The following MACROD2 variants were observed in gnomAD, a reference collection of about 807,000 sequenced individuals.
MACROD2 encodes the protein mono-ADP ribosylhydrolase 2, also known as ADP-ribose glycohydrolase MACROD2.
Under a neutral mutation model 70.4 loss-of-function variants are expected in MACROD2, and 36 were observed. The observed-to-expected ratio is 0.51, with a 90% confidence interval of 0.39 to 0.68. The LOEUF (loss-of-function observed/expected upper bound fraction) is 0.68. Among genes scored for constraint, MACROD2 ranks in the 30% least tolerant of loss-of-function variants. The probability of loss-of-function intolerance (pLI) is 0.00; values close to 1 mark genes in which losing one functional copy is unlikely to be tolerated. For missense variants in MACROD2, 496 were observed against 538.4 expected (o/e 0.92, Z 0.78); for synonymous variants, 172 against 178.8 (o/e 0.96, Z 0.30).
At chr20:15,772,886 T>C (rs986944762) in intron 8 of MACROD2, among the ~76,000 whole-genome samples, 1 of 152,122 alleles carries the variant, frequency 6.6e-6, no homozygotes. Flanking sequence ...AAAACAGATA[T>C]TTCTTTCCTG....
intron 7 of MACROD2, among the ~76,000 whole-genome samples, chr20:15,438,696 A>G (rs1390560139): frequency 6.6e-6 from 1 of 152,170 alleles, no homozygotes; most frequent in Non-Finnish European, 1.5e-5. Flanking sequence ...ATTGCTGTTT[A>G]TATATTCTGT....
intron 15 of MACROD2, among the ~76,000 whole-genome samples, chr20:16,008,556 C>T (rs1306402153): frequency 6.6e-6 from 1 of 152,206 alleles, no homozygotes; most frequent in African/African-American, 2.4e-5. Context: ...ACAGGTTGTT[C>T]TCTAATGAGC....
At chr20:15,939,204 A>C (rs2065713172) in intron 12 of MACROD2, among the ~76,000 whole-genome samples, 1 of 152,246 alleles carries the variant, frequency 6.6e-6, no homozygotes, top group African/African-American at 2.4e-5. Context: ...ACTAAGCAAC[A>C]GATTTTCAAT....
At chr20:14,468,434 C>G (rs2084483578) in intron 3 of MACROD2, among the ~76,000 whole-genome samples, 1 of 143,808 alleles carries the variant, frequency 7.0e-6, no homozygotes, top group Admixed American at 7.0e-5. Flanking sequence ...GATTGCAACC[C>G]CTGCTTTTTT....
intron 15 of MACROD2, among the ~76,000 whole-genome samples, chr20:16,022,047 C>CTTTTTTTTTTTTTTTTTTTT (rs543662575): frequency 9.2e-6 from 1 of 108,958 alleles, no homozygotes; most frequent in Admixed American, 1.0e-4. Flanking sequence ...GTTTCAGTTT[C>CTTTTTTTTTTTTTTTTTTTT]TTTTTTTTTT....
intron 3 of MACROD2, 97 bp from the exon 4 acceptor site, chr20:14,493,382 C>A: frequency 1.0e-6 from 1 of 977,522 alleles, no homozygotes; most frequent in South Asian, 1.5e-5. Flanking sequence ...GTATATGAGA[C>A]ATATGATCAT....
chr20:15,924,799 G>GA (rs1045242161), intron 10 of MACROD2, among the ~76,000 whole-genome samples: 2 of 151,848 alleles, frequency 1.3e-5, no homozygotes, highest in African/African-American at 2.4e-5. Context: ...AAAAAGCAAA[G>GA]AAAAAAAATG....
chr20:14,830,012 T>C (rs1436322236), intron 5 of MACROD2, among the ~76,000 whole-genome samples: 4 of 152,134 alleles, frequency 2.6e-5, no homozygotes, highest in Non-Finnish European at 4.4e-5. Context: ...CCCCTAAATA[T>C]GAATCTCAAA....
At chr20:14,235,921 AATAG>A (rs1371095411) in intron 3 of MACROD2, among the ~76,000 whole-genome samples, 1 of 216 alleles carries the variant, frequency 4.6e-3, no homozygotes, top group Non-Finnish European at 0.022. Flanking sequence ...AAACATACTT[AATAG>A]TATTACTGTT....
intron 8 of MACROD2, among the ~76,000 whole-genome samples, chr20:15,586,448 C>T (rs1189587623): frequency 6.6e-6 from 1 of 152,148 alleles, no homozygotes; most frequent in East Asian, 1.9e-4. Context: ...AAAATTTTAT[C>T]TATTGGTTTT....
rs184321940 is a variant in MACROD2 at position 14,443,264 on chromosome 20, A to G, written c.272-50215A>G. On this transcript the variant is annotated intron_variant, in intron 3 of 17. Coordinates refer to ENST00000684519, the MANE Select transcript of MACROD2 (RefSeq NM_001351661.2). The stretch of plus-strand genomic sequence containing the variant: ...GGTGGGAAAAGACCTACCCTTTGAG[A>G]TTAAATTAAGAGGGTATAGGGTGTA... 5.6e-4 allele frequency among the ~76,000 whole-genome samples: 85 copies of G among 150,974 alleles called. 1 individual carries two copies. In the Middle Eastern group the frequency reaches 0.01, roughly 18 times the overall value.
At chr20:14,790,583 G>C (rs554324606) in intron 5 of MACROD2, among the ~76,000 whole-genome samples, 57 of 152,196 alleles carry the variant, frequency 3.7e-4, no homozygotes, top group African/African-American at 1.4e-3. Context: ...GATTAATTAA[G>C]GGGCTGTGAA....
intron 4 of MACROD2, among the ~76,000 whole-genome samples, chr20:14,625,562 G>A (rs1984097551): frequency 6.6e-6 from 1 of 152,134 alleles, no homozygotes; most frequent in Non-Finnish European, 1.5e-5. Flanking sequence ...TAGACATGGT[G>A]AAAAAGACAG....
chr20:15,307,157 C>G (rs936160233), intron 6 of MACROD2, among the ~76,000 whole-genome samples: 1 of 152,156 alleles, frequency 6.6e-6, no homozygotes, highest in African/African-American at 2.4e-5. Context: ...AGCAAATATT[C>G]AAGCTATATC....
chr20:15,226,922 A>C (rs1274067235), intron 5 of MACROD2, among the ~76,000 whole-genome samples: 2 of 152,162 alleles, frequency 1.3e-5, no homozygotes, highest in African/African-American at 4.8e-5. Flanking sequence ...TCCTGACTGA[A>C]TTTAACTACT....
intron 6 of MACROD2, among the ~76,000 whole-genome samples, chr20:15,234,900 T>C (rs1342534454): frequency 6.6e-6 from 1 of 152,190 alleles, no homozygotes; most frequent in African/African-American, 2.4e-5. Flanking sequence ...CTTTATTCTT[T>C]TTGTTTGTGA....
intron 3 of MACROD2, among the ~76,000 whole-genome samples, chr20:14,454,529 A>G (rs2084278451): frequency 6.6e-6 from 1 of 151,966 alleles, no homozygotes; most frequent in Non-Finnish European, 1.5e-5. Context: ...TTGCATAAAC[A>G]GAAGTCTGGT....
chr20:15,757,307 A>C (rs534899918), intron 8 of MACROD2, among the ~76,000 whole-genome samples: 1 of 152,306 alleles, frequency 6.6e-6, no homozygotes, highest in East Asian at 1.9e-4. Flanking sequence ...GATCAGAGTA[A>C]ATCAGTTAAA....
intron 8 of MACROD2, among the ~76,000 whole-genome samples, chr20:15,783,934 A>AG (rs1212248702): frequency 1.3e-5 from 2 of 152,148 alleles, no homozygotes; most frequent in African/African-American, 4.8e-5. Context: ...ACCCACGATG[A>AG]GGAAAGGGAT....
Sources: allele counts gnomAD v4.1 joint callset (sites outside exome capture counted in the v4.1 genomes callset), GRCh38; gene constraint gnomAD v4.1.1; transcripts MANE v1.5; gene names NCBI Gene and HGNC (gene_info 2026-07-23, HGNC 2026-07-21).